PCOLCE2: variants seen among roughly 807,000 people sequenced by gnomAD.
The protein encoded by PCOLCE2 is procollagen C-proteinase enhancer 2.
Under a neutral mutation model 47.0 loss-of-function variants are expected in PCOLCE2, and 42 were observed. The ratio of observed to expected loss-of-function variants is 0.89; its 90% CI spans 0.70 to 1.16. PCOLCE2 has a LOEUF of 1.16. PCOLCE2 is among the 50% of genes most tolerant of loss of function. The probability of loss-of-function intolerance (pLI) is 0.00; values close to 1 mark genes in which losing one functional copy is unlikely to be tolerated. For missense variants in PCOLCE2, 500 were observed against 526.1 expected (o/e 0.95, Z 0.49); for synonymous variants, 169 against 191.7 (o/e 0.88, Z 0.98).
At chr3:142,832,986 G>C (rs1293202014) in intron 5 of PCOLCE2, among the ~76,000 whole-genome samples, 3 of 152,208 alleles carry the variant, frequency 2.0e-5, no homozygotes, top group African/African-American at 7.2e-5. Flanking sequence ...TGGTAAATGA[G>C]TGATGCTCAA....
At chr3:142,861,930 G>A (rs1933189620) in intron 2 of PCOLCE2, among the ~76,000 whole-genome samples, 1 of 152,248 alleles carries the variant, frequency 6.6e-6, no homozygotes, top group Non-Finnish European at 1.5e-5. Flanking sequence ...CGCCTGAGGT[G>A]TAAAGACCTT....
At chr3:142,888,679 C>T (rs559412410) in intron 1 of PCOLCE2, 135 bp downstream of exon 1, 62 of 506,678 alleles carry the variant, frequency 1.2e-4, no homozygotes, top group African/African-American at 1.1e-3. Context: ...CGGACGCCTG[C>T]ACCGCGCGGG....
chr3:142,877,526 G>T (rs998835701), intron 2 of PCOLCE2, among the ~76,000 whole-genome samples: 2 of 152,194 alleles, frequency 1.3e-5, no homozygotes, highest in African/African-American at 4.8e-5. Flanking sequence ...GTGCCTGCTT[G>T]TGCCAAGCAC....
chr3:142,876,006 C>T (rs762599570), intron 2 of PCOLCE2, among the ~76,000 whole-genome samples: 1 of 152,174 alleles, frequency 6.6e-6, no homozygotes, highest in African/African-American at 2.4e-5. Context: ...CTGTCTGCTG[C>T]CACATAATAA....
At chr3:142,833,343 C>T (rs578258666) in intron 5 of PCOLCE2, among the ~76,000 whole-genome samples, 8 of 152,006 alleles carry the variant, frequency 5.3e-5, no homozygotes, top group Admixed American at 1.3e-4. Flanking sequence ...CACTACCAGG[C>T]GACATTAATT....
chr3:142,881,597 A>T (rs1477859770), intron 2 of PCOLCE2, among the ~76,000 whole-genome samples: 1 of 152,180 alleles, frequency 6.6e-6, no homozygotes, highest in Non-Finnish European at 1.5e-5. Flanking sequence ...TATTGCTCCT[A>T]GGCTACGACA....
chr3:142,869,382 G>A (rs6773151), intron 2 of PCOLCE2, among the ~76,000 whole-genome samples: 1 of 151,784 alleles, frequency 6.6e-6, no homozygotes, highest in African/African-American at 2.4e-5. Flanking sequence ...TAACAGGTCC[G>A]GAAAGAAATC....
intron 2 of PCOLCE2, among the ~76,000 whole-genome samples, chr3:142,886,760 A>T (rs560756264): frequency 6.6e-6 from 1 of 152,200 alleles, no homozygotes; most frequent in Non-Finnish European, 1.5e-5. Flanking sequence ...ATGATAATAG[A>T]TACTTTCTCA....
At chr3:142,845,271 A>C (rs141662968) in intron 3 of PCOLCE2, among the ~76,000 whole-genome samples, 151 of 152,320 alleles carry the variant, frequency 9.9e-4, no homozygotes, top group African/African-American at 3.6e-3. Context: ...ACTTAGAGTT[A>C]ATATTGTACT....
chr3:142,822,223 A>AT (rs1170266597), intron 7 of PCOLCE2, among the ~76,000 whole-genome samples: 1 of 151,960 alleles, frequency 6.6e-6, no homozygotes. Flanking sequence ...GCCTGAATAC[A>AT]TTTTTTACCA....
chr3:142,818,375 T>TGG lies in PCOLCE2; in HGVS notation c.1207_1208insCC (p.Asn403ThrfsTer9), dbSNP rs1416973784. On this transcript the variant is annotated frameshift_variant, in exon 9 of 9. Coordinates refer to ENST00000295992, the MANE Select transcript of PCOLCE2 (RefSeq NM_013363.4). LOFTEE classifies it high-confidence loss of function. ...TTTTAAGGCATCCAGGAGCTTCTGA[T>TGG]TCTTGGTCTTGAACATCATGATAAA... 1 of 1,613,826 alleles carries TGG rather than the reference T, an allele frequency of 6.2e-7. No individual in the cohort carries two copies. The highest frequency in any genetic ancestry group is 1.7e-5 in the Admixed American group (1 of 60,004).
At chr3:142,841,576 C>T (rs1259714115) in intron 4 of PCOLCE2, among the ~76,000 whole-genome samples, 1 of 152,086 alleles carries the variant, frequency 6.6e-6, no homozygotes, top group East Asian at 1.9e-4. Context: ...AAACATTCAA[C>T]AGACTTATAA....
chr3:142,850,881 T>C (rs2108198735), intron 2 of PCOLCE2, among the ~76,000 whole-genome samples: 1 of 152,184 alleles, frequency 6.6e-6, no homozygotes, highest in East Asian at 1.9e-4. Flanking sequence ...TGCATGCTGA[T>C]GGGAAGGATT....
At chr3:142,857,594 T>C (rs779191686) in intron 2 of PCOLCE2, among the ~76,000 whole-genome samples, 2 of 152,128 alleles carry the variant, frequency 1.3e-5, no homozygotes, top group African/African-American at 4.8e-5. Flanking sequence ...TTTAAAACAA[T>C]GAAAAAATCC....
intron 3 of PCOLCE2, 120 bp downstream of exon 3, chr3:142,848,097 G>T: frequency 1.0e-6 from 1 of 959,772 alleles, no homozygotes; most frequent in Non-Finnish European, 1.6e-6. Context: ...ATCATGGTTT[G>T]ATGGCATTCA....
chr3:142,845,005 C>T (rs1312330565), intron 3 of PCOLCE2, among the ~76,000 whole-genome samples: 2 of 152,140 alleles, frequency 1.3e-5, no homozygotes, highest in African/African-American at 2.4e-5. Flanking sequence ...CTAACAATAA[C>T]TGTCTTCTAA....
chr3:142,842,739 CAAAA>C lies in PCOLCE2; in HGVS notation c.573+181_573+184del, dbSNP rs150459672. On this transcript the variant is annotated intron_variant, in intron 4 of 8. Coordinates refer to ENST00000295992, the MANE Select transcript of PCOLCE2 (RefSeq NM_013363.4). The surrounding 1 kb of genome is among the most constrained non-coding windows in gnomAD (Gnocchi z 4.1). ...GGGCGACAAGAGCGAAACTCTGTCT[CAAAA>C]AAAAAAAAAAATATCTGGGGTCTTC... Among the ~76,000 whole-genome samples, 1 of 135,432 alleles carries C rather than the reference CAAAA, an allele frequency of 7.4e-6. No individual in the cohort carries two copies. Among genetic ancestry groups the C allele is most frequent in the African/African-American group, 2.7e-5 (1 of 37,188 alleles). The allele number at this position is 135,432 out of a possible 152,430, so 88.8% of individuals were successfully genotyped here.
At chr3:142,865,157 T>G (rs76577835) in intron 2 of PCOLCE2, among the ~76,000 whole-genome samples, 7 of 140,210 alleles carry the variant, frequency 5.0e-5, no homozygotes, top group Non-Finnish European at 7.7e-5. Context: ...ATTCTCTGTG[T>G]TTTTTTTTTT....
chr3:142,861,719 C>T (rs1933185747), intron 2 of PCOLCE2, among the ~76,000 whole-genome samples: 1 of 152,184 alleles, frequency 6.6e-6, no homozygotes. Flanking sequence ...ATGTAAGAGG[C>T]TTTCCTCAAA....
Sources: gnomAD v4.1 joint callset for allele counts (sites outside exome capture counted in the v4.1 genomes callset) on GRCh38, gnomAD v4.1.1 for gene constraint, Gnocchi (gnomAD v3.1) non-coding constraint, MANE v1.5 for transcripts, NCBI Gene and HGNC (gene_info 2026-07-23, HGNC 2026-07-21) for gene names.